Variants in ANKS1B observed in about 807,000 individuals in gnomAD.
ANKS1B encodes the protein ankyrin repeat and sterile alpha motif domain-containing protein 1B.
A neutral mutation model predicts 148.3 loss-of-function variants in ANKS1B; 36 were observed. The ratio of observed to expected loss-of-function variants is 0.24; its 90% CI spans 0.19 to 0.32. The LOEUF is 0.32. Ranked by LOEUF, ANKS1B falls within the 10% of genes least tolerant of loss-of-function variation. The probability of loss-of-function intolerance (pLI) is 1.00; values close to 1 mark genes in which losing one functional copy is unlikely to be tolerated. For synonymous variants in ANKS1B, 542 were observed against 560.8 expected (o/e 0.97, Z 0.47); for missense variants, 1,157 against 1,542.6 (o/e 0.75, Z 4.19).
chr12:98,941,191 T>C (rs1176749918), intron 17 of ANKS1B, among the ~76,000 whole-genome samples: 1 of 152,184 alleles, frequency 6.6e-6, no homozygotes, highest in Non-Finnish European at 1.5e-5. Flanking sequence ...TATTGATTAC[T>C]TAACATTGAA....
intron 17 of ANKS1B, among the ~76,000 whole-genome samples, chr12:99,002,672 G>A (rs977234468): frequency 2.0e-5 from 3 of 151,996 alleles, no homozygotes; most frequent in Non-Finnish European, 4.4e-5. Flanking sequence ...CTTGAGCCCC[G>A]ATTTAATTAG....
At chr12:98,837,870 GTAAA>G (rs2153712971) in intron 17 of ANKS1B, among the ~76,000 whole-genome samples, 2 of 152,028 alleles carry the variant, frequency 1.3e-5, no homozygotes, top group South Asian at 4.2e-4. Flanking sequence ...TTTTAAAAAA[GTAAA>G]TAACATTTTG....
chr12:99,358,596 C>T (rs1017265301), intron 12 of ANKS1B, among the ~76,000 whole-genome samples: 7 of 151,948 alleles, frequency 4.6e-5, no homozygotes, highest in African/African-American at 1.7e-4. Context: ...CTACTAGTAC[C>T]ACAGTTTTTA....
At chr12:98,948,583 C>A (rs2099848878) in intron 17 of ANKS1B, among the ~76,000 whole-genome samples, 1 of 152,082 alleles carries the variant, frequency 6.6e-6, no homozygotes, top group African/African-American at 2.4e-5. Context: ...GCTGATTAAC[C>A]AACGACCTGC....
At chr12:98,781,338 A>ACT in intron 23 of ANKS1B, 135 bp from the exon 24 acceptor site, 1 of 690,006 alleles carries the variant, frequency 1.4e-6, no homozygotes, top group South Asian at 1.5e-5. Context: ...ACACACACAC[A>ACT]CACATCAGAT....
chr12:99,686,304 G>C (rs1393487640), intron 8 of ANKS1B, among the ~76,000 whole-genome samples: 2 of 152,126 alleles, frequency 1.3e-5, no homozygotes, highest in Non-Finnish European at 2.9e-5. Flanking sequence ...CCAGGTTTCA[G>C]TCAATTATAG....
Position 99,346,524 on chromosome 12 carries a change from A to G in ANKS1B, c.1756+53107T>C, listed in dbSNP as rs375742442. ...AGACCAGGAGTCATAAATGTGCACA[A>G]GCCAACTTAAAATATGTTATGAAGG... On this transcript the variant is annotated intron_variant, in intron 12 of 26. Coordinates refer to ENST00000683438, the MANE Select transcript of ANKS1B (RefSeq NM_001352186.2). Among the ~76,000 whole-genome samples, 107 of 152,012 alleles carry G rather than the reference A, an allele frequency of 7.0e-4. 2 individuals carry two copies. The South Asian group carries it at 0.021, about 29-fold the overall frequency.
At chr12:99,264,928 C>T (rs577396821) in intron 12 of ANKS1B, among the ~76,000 whole-genome samples, 62 of 152,122 alleles carry the variant, frequency 4.1e-4, no homozygotes, top group African/African-American at 1.4e-3. Context: ...CCATGTTCAC[C>T]GCAGTTTTAC....
chr12:99,810,621 C>T (rs886609827), intron 3 of ANKS1B, among the ~76,000 whole-genome samples: 3 of 151,942 alleles, frequency 2.0e-5, no homozygotes, highest in Non-Finnish European at 2.9e-5. Flanking sequence ...GAACAAAGGA[C>T]TTTGAATATG....
At chr12:98,791,813 GA>G (rs2098865235) in intron 22 of ANKS1B, among the ~76,000 whole-genome samples, 1 of 152,168 alleles carries the variant, frequency 6.6e-6, no homozygotes, top group South Asian at 2.1e-4. Context: ...ATCTGAAAAT[GA>G]CAACTTGTCA....
intron 10 of ANKS1B, among the ~76,000 whole-genome samples, chr12:99,465,984 C>T (rs1165658023): frequency 2.6e-5 from 4 of 151,680 alleles, no homozygotes; most frequent in East Asian, 3.9e-4. Flanking sequence ...AATCAATATA[C>T]ATTTTTTTCA....
intron 15 of ANKS1B, among the ~76,000 whole-genome samples, chr12:99,102,980 GA>G (rs1018306682): frequency 2.3e-4 from 33 of 146,446 alleles, no homozygotes; most frequent in Non-Finnish European, 2.3e-4. Context: ...AACAATAATT[GA>G]AAAAAAAAAG....
At chr12:99,542,056 G>C (rs13328923) in intron 9 of ANKS1B, among the ~76,000 whole-genome samples, 2 of 152,114 alleles carry the variant, frequency 1.3e-5, no homozygotes, top group African/African-American at 4.8e-5. Context: ...TTGTACTGAA[G>C]GTTCTAGTCA....
chr12:99,845,290 C>A (rs1040131803), intron 1 of ANKS1B, among the ~76,000 whole-genome samples: 3 of 152,142 alleles, frequency 2.0e-5, no homozygotes, highest in Non-Finnish European at 4.4e-5. Context: ...GAGAGAGCAT[C>A]TTTGTCTTGT....
At position 99,772,996 on chromosome 12, in the gene ANKS1B, T is replaced by G; in HGVS notation, c.1054A>C (p.Ile352Leu). ...DYSFEDLCHT[I>L]SDHYLDNLSK... is the part of the protein sequence containing the mutation. ...AAATTATCTAAGTAGTGGTCTGATA[T>G]TGTGTGGCACAAGTCTTCAAACGAA... Residue 352 changes from isoleucine to leucine, a missense_variant, in exon 8 of 27, where the codon ATA (isoleucine) becomes CTA (leucine). Ile to Leu is a conservative substitution (Grantham distance 5). Coordinates refer to ENST00000683438, the MANE Select transcript of ANKS1B (RefSeq NM_001352186.2). 1 of 1,612,886 alleles carries G rather than the reference T, an allele frequency of 6.2e-7. No homozygotes were observed. The highest frequency in any genetic ancestry group is 8.5e-7 in the Non-Finnish European group (1 of 1,179,188).
At chr12:99,940,506 G>A (rs762332533) in intron 1 of ANKS1B, among the ~76,000 whole-genome samples, 28 of 152,084 alleles carry the variant, frequency 1.8e-4, no homozygotes, top group Non-Finnish European at 3.2e-4. Flanking sequence ...TCAGGGGCAA[G>A]ATTCACATCC....
At chr12:98,813,029 T>C (rs2099110340) in intron 19 of ANKS1B, among the ~76,000 whole-genome samples, 3 of 152,154 alleles carry the variant, frequency 2.0e-5, no homozygotes, top group Admixed American at 1.3e-4. Context: ...AGTGCTGGAA[T>C]TAATTTTTTA....
chr12:99,184,989 T>C (rs1217816912), intron 14 of ANKS1B, among the ~76,000 whole-genome samples: 1 of 152,202 alleles, frequency 6.6e-6, no homozygotes. Context: ...AGACAATTCA[T>C]CAAATATAAA....
At chr12:98,742,207 C>T (rs921813151), downstream of ANKS1B, among the ~76,000 whole-genome samples, 2 of 152,218 alleles carry the variant, frequency 1.3e-5, no homozygotes, top group Admixed American at 1.3e-4. Context: ...ATTAAACCTC[C>T]GCGGCTGCAG....
Sources: gnomAD v4.1 joint callset for allele counts (sites outside exome capture counted in the v4.1 genomes callset) on GRCh38, gnomAD v4.1.1 for gene constraint, MANE v1.5 for transcripts, NCBI Gene and HGNC (gene_info 2026-07-23, HGNC 2026-07-21) for gene names.